The following PRKDC variants were observed in gnomAD, a reference collection of about 807,000 sequenced individuals.
The protein encoded by PRKDC is DNA-dependent protein kinase catalytic subunit.
PRKDC carries 82 observed loss-of-function variants against 486.9 expected under a neutral mutation model. That is an observed-to-expected ratio of 0.17 (90% CI 0.14 to 0.20). The LOEUF (loss-of-function observed/expected upper bound fraction) is 0.20, where lower values mean the gene tolerates loss of function less well. PRKDC is among the 10% of genes least tolerant of loss of function. PRKDC has a pLI of 1.00. For missense variants in PRKDC, 4,504 were observed against 5,038.2 expected, an observed-to-expected ratio of 0.89 and a Z score of 3.21; for synonymous variants, 1,895 against 1,837.0, an observed-to-expected ratio of 1.03 and a Z score of -0.81.
chr8:47,878,286 T>C (rs1005353394), intron 39 of PRKDC, among the ~76,000 whole-genome samples: 2 of 152,140 alleles, frequency 1.3e-5, no homozygotes, highest in African/African-American at 2.4e-5. Context: ...TTTGTATTTT[T>C]AGTAGAGACG....
At chr8:47,804,029 C>T (rs1263589947) in intron 69 of PRKDC, among the ~76,000 whole-genome samples, 1 of 152,016 alleles carries the variant, frequency 6.6e-6, no homozygotes, top group Admixed American at 6.6e-5. Context: ...ACCCCTAATT[C>T]CAGAACATTT....
rs971527080 is a variant in PRKDC at position 47,897,272 on chromosome 8, A to G, written c.3487T>C (p.Leu1163=). 2 of 1,597,684 alleles carry G rather than the reference A, an allele frequency of 1.3e-6. No homozygotes were observed. Among genetic ancestry groups the G allele is most frequent in the Non-Finnish European group, 1.7e-6 (2 of 1,167,142 alleles). ...CACTTGACCAGATCCAATAAACACA[A>G]TGATGCGGAAGGTGGAAATCCTCTG... ...LPRGFPPSAS[L]CLLDLVKWLL... The change falls in exon 30 of 86, where the codon TTG becomes CTG. Residue 1163 remains leucine, a synonymous_variant. Coordinates refer to ENST00000314191, the MANE Select transcript of PRKDC (RefSeq NM_006904.7).
intron 62 of PRKDC, 30 bp downstream of exon 62, chr8:47,828,138 T>A (rs760607604): frequency 7.6e-6 from 12 of 1,589,112 alleles, no homozygotes; most frequent in Non-Finnish European, 8.6e-6. Context: ...GCAAACAATG[T>A]ATATTTGATG....
Position 47,822,408 on chromosome 8 carries a change from C to T in PRKDC, c.8923-616G>A, listed in dbSNP as rs556529213. ...TCAATCACAATAACTTGATTTACAT[C>T]TCTACTGGGGGTTATTTACCACGTA... is the stretch of plus-strand genomic sequence containing the variant. On this transcript the variant is annotated intron_variant, in intron 64 of 85. Transcript: ENST00000314191. Among the ~76,000 whole-genome samples the T allele has an allele frequency of 2.6e-5, 4 of 152,206 alleles. No homozygotes were observed. In the East Asian group the frequency reaches 7.7e-4, roughly 29 times the overall value.
chr8:47,919,807 C>T (rs1157607255), intron 21 of PRKDC, among the ~76,000 whole-genome samples: 1 of 145,044 alleles, frequency 6.9e-6, no homozygotes, highest in Non-Finnish European at 1.5e-5. Flanking sequence ...CTGGACTATT[C>T]AGCATTTTCT....
chr8:47,814,125 A>G lies in PRKDC; in HGVS notation c.9557+3325T>C, dbSNP rs149763402. On this transcript the variant is annotated intron_variant, in intron 68 of 85. Transcript: ENST00000314191. ...TTCATAAACACAATAAAGGAGAAAAACAATATGATTAAGCTGTTGCAGAAA... is the reference window on the plus strand; with the variant it reads ...TTCATAAACACAATAAAGGAGAAAAGCAATATGATTAAGCTGTTGCAGAAA... Among the ~76,000 whole-genome samples, 122 of 152,378 alleles carry G rather than the reference A, an allele frequency of 8.0e-4. 3 individuals are homozygous for G. In the East Asian group the frequency reaches 0.023, roughly 28 times the overall value.
At chr8:47,864,938 A>G (rs546840788) in intron 40 of PRKDC, 175 bp from the exon 41 acceptor site, 1 of 520,028 alleles carries the variant, frequency 1.9e-6, no homozygotes, top group South Asian at 4.4e-5. Flanking sequence ...CATGAACCAT[A>G]CTACTTTTAT....
At chr8:47,950,408 G>A (rs1363179763) in intron 7 of PRKDC, among the ~76,000 whole-genome samples, 1 of 151,814 alleles carries the variant, frequency 6.6e-6, no homozygotes, top group Non-Finnish European at 1.5e-5. Context: ...GGCAGATCAC[G>A]AGGTGAGGAG....
At chr8:47,935,115 C>T in intron 13 of PRKDC, 57 bp from the exon 14 acceptor site, 3 of 1,213,322 alleles carry the variant, frequency 2.5e-6, no homozygotes, top group Non-Finnish European at 3.4e-6. Flanking sequence ...AGAATCAAAA[C>T]TCACAAAAAA....
At chr8:47,847,285 G>C (rs2088290428) in intron 54 of PRKDC, among the ~76,000 whole-genome samples, 1 of 151,900 alleles carries the variant, frequency 6.6e-6, no homozygotes, top group African/African-American at 2.4e-5. Flanking sequence ...CTGGTCGGGG[G>C]AAAAAACAAA....
In PRKDC at chr8:47,849,320, C is replaced by T. The variant is rs761864720; in HGVS notation, c.7131-17G>A. 6.2e-6 allele frequency: 10 copies of T among 1,613,936 alleles called. No homozygotes were observed. The highest frequency in any genetic ancestry group is 8.5e-6 in the Non-Finnish European group (10 of 1,179,876). On this transcript the variant is annotated splice_polypyrimidine_tract_variant and intron_variant, in intron 53 of 85. Coordinates refer to ENST00000314191, the MANE Select transcript of PRKDC (RefSeq NM_006904.7). ...TTCATGAACCTGGCGGGGAAGGGAACTGGTGAGAGGAGGGCCGAGGACCCT... is the reference window on the plus strand; with the variant it reads ...TTCATGAACCTGGCGGGGAAGGGAATTGGTGAGAGGAGGGCCGAGGACCCT...
rs916783282 is a variant in PRKDC, at chr8:47,927,038, T to A, written c.2419+156A>T. The A allele has an allele frequency of 3.1e-5, 23 of 748,942 alleles. No homozygotes were observed. In the African/African-American group the frequency reaches 3.2e-4, roughly 10 times the overall value. 46.4% of individuals were successfully genotyped at this position (748,942 alleles called of 1,614,324 possible). ...CTATATTTCTTTATCACAATTAGAG[T>A]CAGATAAATTAGGGAAATTACAAAA... On this transcript the variant is annotated intron_variant, in intron 21 of 85. Coordinates refer to ENST00000314191, the MANE Select transcript of PRKDC (RefSeq NM_006904.7).
At position 47,959,965 on chromosome 8, in the gene PRKDC, G is replaced by A. The variant is rs982262481; in HGVS notation, c.154+8C>T. 8.5e-6 allele frequency: 13 copies of A among 1,534,860 alleles called. No homozygotes were observed. The highest frequency in any genetic ancestry group is 1.1e-5 in the Non-Finnish European group (13 of 1,146,680). On this transcript the variant is annotated splice_region_variant and intron_variant, in intron 1 of 85. Transcript: ENST00000314191. ...CCCACCCGCGGCCCAGCTCGGGCCG[G>A]TACCCACCCAGCACCGCGGGGCTGC...
intron 1 of PRKDC, among the ~76,000 whole-genome samples, chr8:47,958,334 A>T (rs2090744776): frequency 6.6e-6 from 1 of 152,200 alleles, no homozygotes; most frequent in South Asian, 2.1e-4. Flanking sequence ...CCTCCCCAAG[A>T]GCCTTCAGAA....
Position 47,889,073 on chromosome 8 carries a change from C to A in PRKDC, c.4221G>T (p.Lys1407Asn), listed in dbSNP as rs770270483. 1.2e-6 allele frequency: 2 copies of A among 1,613,930 alleles called. No individual in the cohort carries two copies. The highest frequency in any genetic ancestry group is 1.7e-6 in the Non-Finnish European group (2 of 1,179,884). Reference protein sequence around the residue: ...DVCVNLMKALKMSPYKDILET... With the variant: ...DVCVNLMKALNMSPYKDILET... Reference sequence around the variant, plus strand: ...CTAGGATATCTTTGTATGGGGACATCTTTAGAGCTTTCATCAGATTCACAC... The same window carrying A: ...CTAGGATATCTTTGTATGGGGACATATTTAGAGCTTTCATCAGATTCACAC... The change falls in exon 33 of 86, where the codon AAG (lysine) becomes AAT (asparagine). Residue 1407 changes from lysine to asparagine, a missense_variant. Physicochemically the swap from Lys to Asn is moderately conservative, Grantham distance 94. This residue lies in a region of PRKDC where 1,969 missense variants were observed against 2,068.9 expected (regional missense o/e 0.95). Coordinates refer to ENST00000314191, the MANE Select transcript of PRKDC (RefSeq NM_006904.7).
chr8:47,911,924 C>T (rs542727502), intron 25 of PRKDC, among the ~76,000 whole-genome samples: 53 of 152,146 alleles, frequency 3.5e-4, no homozygotes, highest in Non-Finnish European at 6.6e-4. Flanking sequence ...TGCGCACCAC[C>T]ACGCCTAGAT....
rs749130474 is a variant in PRKDC at position 47,783,792 on chromosome 8, C to T, written c.11125G>A (p.Gly3709Arg). 7 of 1,613,794 alleles carry T rather than the reference C, an allele frequency of 4.3e-6. No individual in the cohort carries two copies. The African/African-American group carries it at 8.0e-5, about 18-fold the overall frequency. Reference sequence around the variant, plus strand: ...ACGTGGTACTCTGGCAATGGCTTTCCCCTACCGTCATACTGACCTAAAACA... The same window carrying T: ...ACGTGGTACTCTGGCAATGGCTTTCTCCTACCGTCATACTGACCTAAAACA... The part of the protein sequence containing the change: ...LEIPGQYDGR[G>R]KPLPEYHVRI... Residue 3709 changes from glycine to arginine, a missense_variant, in exon 78 of 86, where the codon GGA (glycine) becomes AGA (arginine). Gly to Arg is a moderately radical substitution (Grantham distance 125). Coordinates refer to ENST00000314191, the MANE Select transcript of PRKDC (RefSeq NM_006904.7).
intron 26 of PRKDC, 69 bp downstream of exon 26, chr8:47,904,796 CATAA>C (rs2154502449): frequency 8.0e-7 from 1 of 1,251,286 alleles, no homozygotes; most frequent in African/African-American, 1.5e-5. Context: ...GTCTCAAAAA[CATAA>C]ATAAATAAAC....
chr8:47,877,210 TGAAGAGACATAACAG>T (rs2089109202), intron 40 of PRKDC, among the ~76,000 whole-genome samples: 1 of 152,198 alleles, frequency 6.6e-6, no homozygotes, highest in African/African-American at 2.4e-5. Context: ...AAATGCAGAC[TGAAGAGACATAACAG>T]TGAAATGCCA....
Sources: allele counts gnomAD v4.1 joint callset (sites outside exome capture counted in the v4.1 genomes callset), GRCh38; gene constraint gnomAD v4.1.1; regional missense constraint gnomAD v4.1.1; transcripts MANE v1.5; gene names NCBI Gene and HGNC (gene_info 2026-07-23, HGNC 2026-07-21).